The following LACTB2 variants were observed in gnomAD, a reference collection of about 807,000 sequenced individuals.
LACTB2 encodes endoribonuclease LACTB2.
In LACTB2, 32 loss-of-function variants were observed where a neutral mutation model predicts 34.8. The ratio of observed to expected loss-of-function variants is 0.92; its 90% CI spans 0.69 to 1.24. LACTB2 has a LOEUF of 1.24. LACTB2 is among the 50% of genes most tolerant of loss of function. LACTB2 has a pLI of 0.00. For synonymous variants in LACTB2, 120 were observed against 117.5 expected (o/e 1.02, Z -0.14); for missense variants, 320 against 345.0 (o/e 0.93, Z 0.57).
chr8:70,652,751 TG>T (rs1330163776), intron 3 of LACTB2: 2 of 152,220 alleles, frequency 1.3e-5, no homozygotes, highest in Non-Finnish European at 2.9e-5. Flanking sequence ...TGTACATTTA[TG>T]GTATGTGATC....
chr8:70,652,663 T>G (rs910926272), intron 3 of LACTB2: 4 of 152,220 alleles, frequency 2.6e-5, no homozygotes, highest in Non-Finnish European at 4.4e-5. Context: ...GGGAGATTTC[T>G]GGGACACTGA....
At chr8:70,668,549 C>T (rs1423848381) in intron 1 of LACTB2, among the ~76,000 whole-genome samples, 1 of 152,200 alleles carries the variant, frequency 6.6e-6, no homozygotes, top group Non-Finnish European at 1.5e-5. Flanking sequence ...CCCTCTGCTG[C>T]TGAGTTGAGG....
chr8:70,649,291 C>T (rs1490515071), intron 3 of LACTB2, among the ~76,000 whole-genome samples: 3 of 152,060 alleles, frequency 2.0e-5, no homozygotes, highest in Non-Finnish European at 2.9e-5. Flanking sequence ...GCATCAGGCC[C>T]GGAGGAAAAC....
At chr8:70,641,086 G>A (rs1240379734) in intron 4 of LACTB2, 36 bp from the exon 5 acceptor site, 3 of 1,523,666 alleles carry the variant, frequency 2.0e-6, no homozygotes, top group Non-Finnish European at 2.6e-6. Flanking sequence ...ACTTCAGTCA[G>A]ATAAAAAAAT....
chr8:70,659,991 G>C (rs970943860), intron 2 of LACTB2, among the ~76,000 whole-genome samples: 1 of 152,064 alleles, frequency 6.6e-6, no homozygotes, highest in African/African-American at 2.4e-5. Context: ...GTAAATTAAA[G>C]CTCAATAAAA....
At chr8:70,656,307 T>C (rs1818410857) in intron 3 of LACTB2, among the ~76,000 whole-genome samples, 2 of 152,248 alleles carry the variant, frequency 1.3e-5, no homozygotes, top group Non-Finnish European at 1.5e-5. Flanking sequence ...GTAATTTTTA[T>C]AGTTTCAGGT....
At chr8:70,668,771 T>G (rs268645) in intron 1 of LACTB2, among the ~76,000 whole-genome samples, 109,760 of 144,138 alleles carry the variant, frequency 0.76, 42,905 homozygotes, top group Non-Finnish European at 0.84. Flanking sequence ...TTTTTTTTTT[T>G]TTTTCCATTT....
chr8:70,650,319 C>T (rs991573629), intron 3 of LACTB2, among the ~76,000 whole-genome samples: 17 of 152,294 alleles, frequency 1.1e-4, no homozygotes, highest in African/African-American at 4.1e-4. Context: ...TAATAAGCAA[C>T]AGTGAAGCTC....
At chr8:70,643,330 C>G (rs1818223940) in intron 4 of LACTB2, among the ~76,000 whole-genome samples, 1 of 149,880 alleles carries the variant, frequency 6.7e-6, no homozygotes, top group African/African-American at 2.5e-5. Flanking sequence ...TCAAGCAACT[C>G]TCCTGCCTCA....
rs777902609 is a variant in LACTB2 at position 70,641,068 on chromosome 8, TAA to T, written c.593-20_593-19del. On this transcript the variant is annotated intron_variant, in intron 4 of 6. Transcript: ENST00000276590. ...GCCATGTCCTGAATTAAAATAATTA[TAA>T]GAGTTACTTCAGTCAGATAAAAAAA... 1 of 1,575,006 alleles carries T rather than the reference TAA, an allele frequency of 6.3e-7. No individual in the cohort carries two copies. The highest frequency in any genetic ancestry group is 2.3e-5 in the East Asian group (1 of 43,550).
intron 3 of LACTB2, among the ~76,000 whole-genome samples, chr8:70,645,509 T>G (rs1818252957): frequency 6.6e-6 from 1 of 152,060 alleles, no homozygotes; most frequent in Non-Finnish European, 1.5e-5. Flanking sequence ...TTTTTTTAAA[T>G]TATACTTTAA....
intron 2 of LACTB2, among the ~76,000 whole-genome samples, chr8:70,659,480 AAAC>A (rs2132078883): frequency 6.6e-6 from 1 of 152,360 alleles, no homozygotes; most frequent in East Asian, 1.9e-4. Flanking sequence ...AAATAAAAAG[AAAC>A]AACAACAAAT....
At chr8:70,653,783 C>T (rs1818375321) in intron 3 of LACTB2, 1 of 152,104 alleles carries the variant, frequency 6.6e-6, no homozygotes, top group African/African-American at 2.4e-5. Flanking sequence ...GAAAACCTCC[C>T]ATGCAATATC....
chr8:70,666,803 T>C (rs1384781329), intron 1 of LACTB2, among the ~76,000 whole-genome samples: 1 of 152,176 alleles, frequency 6.6e-6, no homozygotes, highest in Non-Finnish European at 1.5e-5. Flanking sequence ...GGCATTTCCT[T>C]TGATGGCTTT....
intron 3 of LACTB2, among the ~76,000 whole-genome samples, chr8:70,657,526 G>T (rs1206128010): frequency 2.0e-5 from 3 of 150,848 alleles, no homozygotes; most frequent in Non-Finnish European, 4.4e-5. Context: ...CTGCTTCCCA[G>T]GTTCAAGCAA....
rs758103678 is a variant in LACTB2 at position 70,638,617 on chromosome 8, T to C, written c.754A>G (p.Asn252Asp). ...TTATGTTTAGCCATTTCATGTAAATTCTCAGGAGTATTCTAAAAGAAAAAT... is the reference window on the plus strand; with the variant it reads ...TTATGTTTAGCCATTTCATGTAAATCCTCAGGAGTATTCTAAAAGAAAAAT... ...VKIIYKNTPE[N>D]LHEMAKHNLL... The change falls in exon 6 of 7, where the codon AAT becomes GAT. Residue 252 changes from asparagine to aspartate, a missense_variant. Coordinates refer to ENST00000276590, the MANE Select transcript of LACTB2 (RefSeq NM_016027.3). The C allele has an allele frequency of 1.4e-6, 2 of 1,455,006 alleles. No homozygotes were observed. The highest frequency in any genetic ancestry group is 2.9e-5 in the South Asian group (2 of 69,894). 90.1% of individuals were successfully genotyped at this position (1,455,006 alleles called of 1,614,324 possible).
intron 2 of LACTB2, chr8:70,660,614 C>T (rs752338065): frequency 2.2e-6 from 1 of 456,340 alleles, no homozygotes; most frequent in South Asian, 1.5e-5. Flanking sequence ...ACTCTCATTC[C>T]ACCATCTTTG....
chr8:70,667,015 G>C (rs1159536468), intron 1 of LACTB2, among the ~76,000 whole-genome samples: 1 of 152,058 alleles, frequency 6.6e-6, no homozygotes, highest in African/African-American at 2.4e-5. Flanking sequence ...GATAATAAAG[G>C]CAAAGCCAAA....
intron 3 of LACTB2, chr8:70,646,383 G>T (rs1474427795): frequency 6.6e-6 from 1 of 152,096 alleles, no homozygotes; most frequent in Admixed American, 6.5e-5. Context: ...TCAAAAGTGG[G>T]CAAAGGATAT....
Sources: gnomAD v4.1 joint callset for allele counts (sites outside exome capture counted in the v4.1 genomes callset) on GRCh38, gnomAD v4.1.1 for gene constraint, MANE v1.5 for transcripts, NCBI Gene and HGNC (gene_info 2026-07-23, HGNC 2026-07-21) for gene names.